The following RMND1 variants were observed in gnomAD, a reference collection of about 807,000 sequenced individuals.
RMND1 encodes the protein required for meiotic nuclear division 1 homolog.
Under a neutral mutation model 54.0 loss-of-function variants are expected in RMND1, and 41 were observed. The observed-to-expected ratio is 0.76, with a 90% CI of 0.59 to 0.98. RMND1 has a LOEUF of 0.98. Ranked by LOEUF, RMND1 falls within the 50% of genes least tolerant of loss-of-function variation. RMND1 has a pLI of 0.00. For missense variants in RMND1, 457 were observed against 532.0 expected (o/e 0.86, Z 1.39); for synonymous variants, 183 against 181.7 (o/e 1.01, Z -0.06).
intron 2 of RMND1, among the ~76,000 whole-genome samples, chr6:151,443,129 G>A (rs114153659): frequency 0.017 from 2,560 of 152,124 alleles, 71 homozygotes; most frequent in African/African-American, 0.059. Context: ...TGGTATAAAG[G>A]GTTTACCACT....
At chr6:151,434,288 T>C (rs1352989968) in intron 3 of RMND1, among the ~76,000 whole-genome samples, 1 of 152,022 alleles carries the variant, frequency 6.6e-6, no homozygotes, top group East Asian at 1.9e-4. Context: ...AAAAATATAC[T>C]ATTAATTTGC....
chr6:151,406,514 A>C (rs1267559296), intron 10 of RMND1, among the ~76,000 whole-genome samples: 2 of 152,042 alleles, frequency 1.3e-5, no homozygotes, highest in Non-Finnish European at 2.9e-5. Context: ...GGTGCCCGCC[A>C]CCACGCCCGG....
intron 1 of RMND1, among the ~76,000 whole-genome samples, chr6:151,451,697 T>C (rs1781203818): frequency 6.6e-6 from 1 of 152,114 alleles, no homozygotes; most frequent in Non-Finnish European, 1.5e-5. Context: ...TTACACCAAT[T>C]AAGAAAATCG....
intron 10 of RMND1, among the ~76,000 whole-genome samples, chr6:151,409,794 A>T (rs766697593): frequency 6.6e-6 from 1 of 152,162 alleles, no homozygotes; most frequent in Non-Finnish European, 1.5e-5. Flanking sequence ...AGAAGTCACG[A>T]CAACAAACAA....
intron 5 of RMND1, 150 bp from the exon 6 acceptor site, chr6:151,427,732 T>C (rs1053469498): frequency 7.0e-6 from 4 of 570,574 alleles, no homozygotes; most frequent in Non-Finnish European, 1.2e-5. Flanking sequence ...AAATCCATTG[T>C]GATATTAAAG....
At chr6:151,413,524 G>A (rs1221788953) in intron 10 of RMND1, among the ~76,000 whole-genome samples, 1 of 152,168 alleles carries the variant, frequency 6.6e-6, no homozygotes, top group Non-Finnish European at 1.5e-5. Context: ...ACAGGCGTGA[G>A]CCACCGTGCC....
chr6:151,424,443 A>G (rs1582952843), intron 6 of RMND1, among the ~76,000 whole-genome samples: 2 of 150,492 alleles, frequency 1.3e-5, no homozygotes, highest in Non-Finnish European at 3.0e-5. Context: ...AGCCTGGGAG[A>G]CTGAGCAAGA....
chr6:151,428,215 C>T (rs1294888354), intron 5 of RMND1, among the ~76,000 whole-genome samples: 1 of 152,172 alleles, frequency 6.6e-6, no homozygotes, highest in East Asian at 1.9e-4. Context: ...CTCTTCTGTA[C>T]TGAAATCCTA....
chr6:151,417,533 C>T (rs1186816123), intron 9 of RMND1, 134 bp from the exon 10 acceptor site: 12 of 639,512 alleles, frequency 1.9e-5, no homozygotes, highest in Non-Finnish European at 3.0e-5. Flanking sequence ...GCTATGTTAC[C>T]CGGGATGGAG....
intron 7 of RMND1, among the ~76,000 whole-genome samples, 187 bp downstream of exon 7, chr6:151,423,338 G>A (rs1035579785): frequency 6.6e-6 from 1 of 152,112 alleles, no homozygotes; most frequent in Non-Finnish European, 1.5e-5. Context: ...AATTAATAAG[G>A]AATGAGTAAC....
intron 8 of RMND1, among the ~76,000 whole-genome samples, chr6:151,421,869 C>G (rs1010421329): frequency 6.6e-6 from 1 of 151,808 alleles, no homozygotes; most frequent in Non-Finnish European, 1.5e-5. Flanking sequence ...AATGCTAGAA[C>G]TTTGGGAGGC....
At chr6:151,427,693 G>T (rs2114945812) in intron 5 of RMND1, 111 bp from the exon 6 acceptor site, 1 of 637,970 alleles carries the variant, frequency 1.6e-6, no homozygotes, top group African/African-American at 1.8e-5. Context: ...CATTATTTCT[G>T]TTGCATGTTT....
chr6:151,429,496 T>C (rs905256669), intron 5 of RMND1, among the ~76,000 whole-genome samples: 2 of 152,184 alleles, frequency 1.3e-5, no homozygotes, highest in Non-Finnish European at 2.9e-5. Flanking sequence ...TTTTACATGA[T>C]TTCTAAGGGG....
At chr6:151,430,085 T>C (rs1780410780) in intron 5 of RMND1, 53 bp downstream of exon 5, 1 of 1,176,598 alleles carries the variant, frequency 8.5e-7, no homozygotes, top group Non-Finnish European at 1.3e-6. Flanking sequence ...TAATTAACAA[T>C]TCATTCTCAC....
At chr6:151,447,738 T>C (rs1222217398) in intron 1 of RMND1, among the ~76,000 whole-genome samples, 1 of 150,014 alleles carries the variant, frequency 6.7e-6, no homozygotes, top group East Asian at 2.0e-4. Context: ...CCACTTAATT[T>C]TGAAGAAACT....
intron 1 of RMND1, among the ~76,000 whole-genome samples, chr6:151,447,991 T>C (rs1781009903): frequency 1.3e-5 from 2 of 152,036 alleles, no homozygotes; most frequent in African/African-American, 2.4e-5. Flanking sequence ...TTTTTTTGTA[T>C]TTTTAGTAGA....
At position 151,405,704 on chromosome 6, in the gene RMND1, A is replaced by G. The variant is rs753296359; in HGVS notation, c.1317+16T>C. The G allele has an allele frequency of 1.7e-6, 2 of 1,190,588 alleles. No individual in the cohort carries two copies. Among genetic ancestry groups the G allele is most frequent in the East Asian group, 2.3e-5 (1 of 42,968 alleles). The allele number at this position is 1,190,588 out of a possible 1,614,324, so 73.8% of individuals were successfully genotyped here. A position where few individuals can be genotyped will look rare whatever the true frequency, so the allele number is the denominator to read the frequency against. On this transcript the variant is annotated intron_variant, in intron 11 of 11. Transcript: ENST00000444024. Reference sequence around the variant, plus strand: ...AAGATGGTAACTGATCATAGTACAGAGCATTTCCATCTTACCTCTATGGTA... The same window carrying G: ...AAGATGGTAACTGATCATAGTACAGGGCATTTCCATCTTACCTCTATGGTA...
intron 10 of RMND1, among the ~76,000 whole-genome samples, chr6:151,413,274 G>C (rs917579331): frequency 2.0e-5 from 3 of 152,014 alleles, no homozygotes; most frequent in African/African-American, 7.2e-5. Context: ...TATTTTTTGA[G>C]ACAGTCTCAC....
intron 1 of RMND1, among the ~76,000 whole-genome samples, chr6:151,451,010 G>T (rs375915608): frequency 1.3e-5 from 2 of 152,044 alleles, no homozygotes; most frequent in African/African-American, 2.4e-5. Flanking sequence ...GCAGCGTGCT[G>T]GTTAAGAGTC....
Sources: allele counts gnomAD v4.1 joint callset (sites outside exome capture counted in the v4.1 genomes callset), GRCh38; gene constraint gnomAD v4.1.1; transcripts MANE v1.5; gene names NCBI Gene and HGNC (gene_info 2026-07-23, HGNC 2026-07-21).